The following ZFYVE9 variants were observed in gnomAD, a reference collection of about 807,000 sequenced individuals.
The protein encoded by ZFYVE9 is zinc finger FYVE domain-containing protein 9.
ZFYVE9 carries 43 observed loss-of-function variants against 126.7 expected under a neutral mutation model. The ratio of observed to expected loss-of-function variants is 0.34; its 90% CI spans 0.27 to 0.44. ZFYVE9 has a LOEUF of 0.44. Ranked by LOEUF, ZFYVE9 falls within the 20% of genes least tolerant of loss-of-function variation. The pLI, the probability that ZFYVE9 is intolerant of heterozygous loss-of-function variation, is 1.00. For missense variants in ZFYVE9, 1,476 were observed against 1,697.0 expected, an observed-to-expected ratio of 0.87 and a Z score of 2.29; for synonymous variants, 521 against 597.4, an observed-to-expected ratio of 0.87 and a Z score of 1.87.
At chr1:52,155,225 C>CT (rs1341361810) in intron 1 of ZFYVE9, among the ~76,000 whole-genome samples, 2 of 139,296 alleles carry the variant, frequency 1.4e-5, no homozygotes, top group African/African-American at 5.7e-5. Flanking sequence ...AGCTGTTTTT[C>CT]TTTTTTTTCT....
At chr1:52,300,117 C>A (rs965099016) in intron 12 of ZFYVE9, among the ~76,000 whole-genome samples, 1 of 152,166 alleles carries the variant, frequency 6.6e-6, no homozygotes, top group Non-Finnish European at 1.5e-5. Context: ...GCATCTGGTG[C>A]TCCACAGGAA....
intron 1 of ZFYVE9, among the ~76,000 whole-genome samples, chr1:52,144,596 C>CTATA (rs2124485239): frequency 6.6e-6 from 1 of 150,544 alleles, no homozygotes; most frequent in Non-Finnish European, 1.5e-5. Flanking sequence ...TCTAGCAAAA[C>CTATA]TATAAGTCTT....
chr1:52,179,494 C>T (rs367624955), intron 1 of ZFYVE9, among the ~76,000 whole-genome samples: 7 of 152,028 alleles, frequency 4.6e-5, no homozygotes, highest in Non-Finnish European at 8.8e-5. Context: ...ATTAGTTGGG[C>T]GTGGTGGCAC....
intron 2 of ZFYVE9, among the ~76,000 whole-genome samples, chr1:52,219,804 G>GTGTGTGTGTGTGTGTGTGTGTGT (rs1553126056): frequency 1.1e-5 from 1 of 88,086 alleles, no homozygotes; most frequent in Admixed American, 1.2e-4. Context: ...TGTGTGTGTG[G>GTGTGTGTGTGTGTGTGTGTGTGT]CAGAGTCTTA....
chr1:52,161,562 A>T lies in ZFYVE9; in HGVS notation c.-143+19159A>T, dbSNP rs1037971341. Among the ~76,000 whole-genome samples the T allele has an allele frequency of 1.8e-4, 27 of 152,194 alleles. 1 individual carries two copies. Among genetic ancestry groups the T allele is most frequent in the Non-Finnish European group, 1.6e-4 (11 of 68,038 alleles). Reference sequence around the variant, plus strand: ...TGCCTCAGCCTCCCAAAGTGCTAGGATTACCGGTGTGAGCCACTGTGCCTA... The same window carrying T: ...TGCCTCAGCCTCCCAAAGTGCTAGGTTTACCGGTGTGAGCCACTGTGCCTA... On this transcript the variant is annotated intron_variant, in intron 1 of 18. Transcript: ENST00000287727.
At chr1:52,187,944 A>C (rs1331604065) in intron 1 of ZFYVE9, among the ~76,000 whole-genome samples, 2 of 152,228 alleles carry the variant, frequency 1.3e-5, no homozygotes, top group Admixed American at 6.5e-5. Context: ...TAAAAACAGA[A>C]CTATCATTTG....
At chr1:52,275,152 A>G (rs1269903372) in intron 8 of ZFYVE9, among the ~76,000 whole-genome samples, 1 of 152,212 alleles carries the variant, frequency 6.6e-6, no homozygotes, top group African/African-American at 2.4e-5. Flanking sequence ...GTACATGGAT[A>G]TAGTGGATAA....
Position 52,334,761 on chromosome 1 carries a change from T to C in ZFYVE9, c.3663T>C (p.Ile1221=), listed in dbSNP as rs1286100691. Residue 1221 remains isoleucine (I), a synonymous_variant, in exon 15 of 19, where the codon ATT becomes ATC. Transcript: ENST00000287727. ...CTGGATACCTTGCCAAGTCCAGTAT[T>C]GTGGAAGGTAAAGAATGAATTGTTC... The part of the protein sequence containing the change: ...SSSGYLAKSS[I]VEDGVMVQIT... 11 of 1,613,780 alleles carry C rather than the reference T, an allele frequency of 6.8e-6. No individual in the cohort carries two copies. In the Middle Eastern group the frequency reaches 1.3e-3, roughly 193 times the overall value.
chr1:52,338,101 A>G (rs1420484177), intron 16 of ZFYVE9, among the ~76,000 whole-genome samples, 167 bp downstream of exon 16: 1 of 152,196 alleles, frequency 6.6e-6, no homozygotes, highest in East Asian at 1.9e-4. Context: ...TTTGTAAGTT[A>G]GTTTCTGAAG....
intron 1 of ZFYVE9, among the ~76,000 whole-genome samples, chr1:52,210,780 G>A (rs1275890697): frequency 8.5e-5 from 13 of 152,056 alleles, no homozygotes; most frequent in African/African-American, 2.9e-4. Flanking sequence ...TCAGCCTCCC[G>A]AGTAGCTGGG....
rs181366598 is a variant in ZFYVE9 at position 52,184,160 on chromosome 1, A to G, written c.-142-32209A>G. On this transcript the variant is annotated intron_variant, in intron 1 of 18. Transcript: ENST00000287727. ...TTAAATTAGGTCATTTCATGGTTCT[A>G]TTTGTCCTTTTGGCATTTCTTTAAT... Among the ~76,000 whole-genome samples the G allele has an allele frequency of 1.7e-4, 25 of 147,940 alleles. No individual in the cohort carries two copies. In the East Asian group the frequency reaches 4.1e-3, roughly 24 times the overall value.
chr1:52,281,808 C>T lies in ZFYVE9; in HGVS notation c.3017C>T (p.Ala1006Val). 1 of 1,614,116 alleles carries T rather than the reference C, an allele frequency of 6.2e-7. No individual in the cohort carries two copies. The highest frequency in any genetic ancestry group is 1.1e-5 in the South Asian group (1 of 91,082). The change falls in exon 10 of 19, where the codon GCT becomes GTT. Residue 1006 changes from alanine (A) to valine (V), a missense_variant. Physicochemically the swap from Ala to Val is moderately conservative, Grantham distance 64. Around this residue, in one of 2 missense-constraint regions of ZFYVE9, gnomAD observed 669 missense variants for 902.4 expected, o/e 0.74. Coordinates refer to ENST00000287727, the MANE Select transcript of ZFYVE9 (RefSeq NM_004799.4). The stretch of plus-strand genomic sequence containing the variant: ...CACTTTGTGCAGCTTTATCGGGATG[C>T]TCTGGCAGGTAGGAATGCTTTATGA... Reference protein sequence around the residue: ...FNHFVQLYRDALAGNVVSNLG... With the variant: ...FNHFVQLYRDVLAGNVVSNLG...
chr1:52,276,447 C>T (rs1645749511), intron 8 of ZFYVE9, among the ~76,000 whole-genome samples: 1 of 152,070 alleles, frequency 6.6e-6, no homozygotes, highest in African/African-American at 2.4e-5. Context: ...CTGTGTGATC[C>T]AGTTGGCAAG....
intron 13 of ZFYVE9, among the ~76,000 whole-genome samples, chr1:52,324,981 T>A (rs972498540): frequency 1.1e-4 from 16 of 151,904 alleles, no homozygotes; most frequent in Non-Finnish European, 2.4e-4. Context: ...CATACAAAAT[T>A]AAAAATAAAA....
Position 52,238,141 on chromosome 1 carries a change from T to A in ZFYVE9, c.724T>A (p.Ser242Thr), listed in dbSNP as rs1572124866. ...ATCTGATAGTCTAGCCAGTGTCTGT[T>A]CCCCTTCACAATTAAAGGATGACGG... ...TSSDSLASVC[S>T]PSQLKDDGSI... The change falls in exon 4 of 19, where the codon TCC (serine) becomes ACC (threonine). Residue 242 changes from serine to threonine, a missense_variant. Ser to Thr is a moderately conservative substitution (Grantham distance 58). This residue lies in a region of ZFYVE9 where 807 missense variants were observed against 794.6 expected (regional missense o/e 1.02). Coordinates refer to ENST00000287727, the MANE Select transcript of ZFYVE9 (RefSeq NM_004799.4). 1 of 1,614,086 alleles carries A rather than the reference T, an allele frequency of 6.2e-7. No individual in the cohort carries two copies. The highest frequency in any genetic ancestry group is 8.5e-7 in the Non-Finnish European group (1 of 1,179,964).
chr1:52,321,268 C>T (rs1054070602), intron 13 of ZFYVE9, among the ~76,000 whole-genome samples: 4 of 152,184 alleles, frequency 2.6e-5, no homozygotes, highest in South Asian at 4.1e-4. Flanking sequence ...GTAGCACTGG[C>T]GAGAACAGAT....
At chr1:52,185,348 A>G (rs1027511562) in intron 1 of ZFYVE9, among the ~76,000 whole-genome samples, 8 of 152,222 alleles carry the variant, frequency 5.3e-5, no homozygotes, top group Non-Finnish European at 8.8e-5. Flanking sequence ...ACACCATGCT[A>G]AAAGATTGTA....
chr1:52,177,148 ATTTTT>A (rs35941523), intron 1 of ZFYVE9, among the ~76,000 whole-genome samples: 1 of 131,470 alleles, frequency 7.6e-6, no homozygotes, highest in Non-Finnish European at 1.6e-5. Flanking sequence ...CCCCAGCCCG[ATTTTT>A]TTTTTTTTTT....
intron 1 of ZFYVE9, among the ~76,000 whole-genome samples, chr1:52,161,848 T>G (rs1644462852): frequency 1.3e-5 from 2 of 151,968 alleles, no homozygotes; most frequent in Non-Finnish European, 2.9e-5. Context: ...TCTTCATAAA[T>G]GCAGATCTCT....
Sources: gnomAD v4.1 joint callset for allele counts (sites outside exome capture counted in the v4.1 genomes callset) on GRCh38, gnomAD v4.1.1 for gene constraint, gnomAD v4.1.1 regional missense constraint, MANE v1.5 for transcripts, NCBI Gene and HGNC (gene_info 2026-07-23, HGNC 2026-07-21) for gene names.